The following MYO16 variants were observed in gnomAD, a reference collection of about 807,000 sequenced individuals.
MYO16 encodes the protein myosin XVI.
MYO16 carries 94 observed loss-of-function variants against 205.3 expected under a neutral mutation model. That is an observed-to-expected ratio of 0.46 (90% CI 0.39 to 0.54). MYO16 has a LOEUF of 0.54. MYO16 is among the 20% of genes least tolerant of loss of function. The pLI is 0.00. For missense variants in MYO16, 2,315 were observed against 2,387.5 expected, an observed-to-expected ratio of 0.97 and a Z score of 0.63; for synonymous variants, 988 against 954.0, an observed-to-expected ratio of 1.04 and a Z score of -0.66.
At chr13:108,614,145 C>T (rs1879267955) in intron 1 of MYO16, among the ~76,000 whole-genome samples, 1 of 151,906 alleles carries the variant, frequency 6.6e-6, no homozygotes, top group African/African-American at 2.4e-5. Flanking sequence ...ATACAATATC[C>T]ACAAACAAAA....
At chr13:108,632,010 G>A (rs370749886) in intron 1 of MYO16, among the ~76,000 whole-genome samples, 14 of 150,166 alleles carry the variant, frequency 9.3e-5, no homozygotes, top group East Asian at 3.9e-4. Flanking sequence ...CCCGGGAGGC[G>A]GAGCTTGCGG....
chr13:108,849,536 T>TGC (rs1877717070), intron 10 of MYO16, among the ~76,000 whole-genome samples: 1 of 148,966 alleles, frequency 6.7e-6, no homozygotes, highest in Non-Finnish European at 1.5e-5. Flanking sequence ...TGTGTGTGTG[T>TGC]GTGTGTGTGT....
intron 23 of MYO16, among the ~76,000 whole-genome samples, chr13:109,021,120 A>G (rs547987124): frequency 2.1e-4 from 32 of 152,166 alleles, no homozygotes; most frequent in Non-Finnish European, 4.3e-4. Flanking sequence ...TCTTGGAAAG[A>G]CATAGAATTT....
rs891454056 is a variant in MYO16 at position 109,162,877 on chromosome 13, C to G, written c.5165-2024C>G. Among the ~76,000 whole-genome samples, 2 of 152,120 alleles carry G rather than the reference C, an allele frequency of 1.3e-5. No individual in the cohort carries two copies. The highest frequency in any genetic ancestry group is 2.1e-4 in the South Asian group (1 of 4,828). On this transcript the variant is annotated intron_variant, in intron 32 of 34. Coordinates refer to ENST00000457511, the MANE Select transcript of MYO16 (RefSeq NM_001198950.3). This position sits in a 1 kb window ranked among gnomAD's most constrained non-coding sequence, Gnocchi z 4.6. The stretch of plus-strand genomic sequence containing the variant: ...TAAAAAAAAGCCAAACTAGAGTTGA[C>G]CACATTGAATAAGTATTCTTTCAGT...
At chr13:108,516,799 T>C in the MYO16 span, among the ~76,000 whole-genome samples, 3 of 152,222 alleles carry the variant, frequency 2.0e-5, no homozygotes, top group Non-Finnish European at 2.9e-5. Flanking sequence ...TTTTGCTGTA[T>C]AGTCTGCAGG....
intron 32 of MYO16, among the ~76,000 whole-genome samples, chr13:109,152,159 C>T (rs1233906199): frequency 6.6e-6 from 1 of 152,146 alleles, no homozygotes; most frequent in African/African-American, 2.4e-5. Context: ...TATTTAACTA[C>T]CTTTGTATAT....
At chr13:108,957,580 C>T (rs1883419582) in intron 16 of MYO16, 108 bp from the exon 17 acceptor site, 4 of 693,020 alleles carry the variant, frequency 5.8e-6, no homozygotes, top group Middle Eastern at 2.4e-4. Flanking sequence ...ACACCATGTC[C>T]AGGTGATTCC....
chr13:108,940,304 A>G (rs1021703304), intron 16 of MYO16, among the ~76,000 whole-genome samples: 30 of 152,058 alleles, frequency 2.0e-4, no homozygotes, highest in Non-Finnish European at 4.1e-4. Context: ...GATGCTTCCT[A>G]TTTCTCATAA....
intron 1 of MYO16, among the ~76,000 whole-genome samples, chr13:108,639,397 G>T (rs1184759300): frequency 2.0e-5 from 3 of 152,162 alleles, no homozygotes; most frequent in Non-Finnish European, 2.9e-5. Flanking sequence ...CAACATCTCT[G>T]TGGCTGGGTT....
intron 9 of MYO16, among the ~76,000 whole-genome samples, chr13:108,824,039 T>C (rs2139023702): frequency 6.6e-6 from 1 of 152,212 alleles, no homozygotes; most frequent in Admixed American, 6.6e-5. Flanking sequence ...AGAGATGGAC[T>C]GTGAATATCT....
chr13:108,804,628 C>T (rs1594307367), intron 6 of MYO16, among the ~76,000 whole-genome samples: 2 of 152,282 alleles, frequency 1.3e-5, no homozygotes, highest in East Asian at 3.9e-4. Flanking sequence ...TGCCAGTAGA[C>T]TCAAAATAAT....
intron 6 of MYO16, among the ~76,000 whole-genome samples, chr13:108,795,889 G>A (rs1370628834): frequency 1.3e-5 from 2 of 152,148 alleles, no homozygotes; most frequent in Admixed American, 6.5e-5. Context: ...TAGATAGAGA[G>A]GAAAGATCTA....
chr13:108,712,594 A>G (rs540910653), intron 2 of MYO16, 67 bp from the exon 3 acceptor site: 9 of 1,370,662 alleles, frequency 6.6e-6, no homozygotes, highest in African/African-American at 2.9e-5. Context: ...ACGAAAGCCT[A>G]CACATTTGGT....
At chr13:108,747,699 T>C (rs536028207) in intron 4 of MYO16, among the ~76,000 whole-genome samples, 2 of 152,138 alleles carry the variant, frequency 1.3e-5, no homozygotes, top group African/African-American at 2.4e-5. Flanking sequence ...TTGCTTCAAA[T>C]TGAGTAGTCT....
intron 30 of MYO16, among the ~76,000 whole-genome samples, chr13:109,126,971 C>T (rs757887065): frequency 7.9e-5 from 12 of 152,292 alleles, no homozygotes; most frequent in Admixed American, 2.6e-4. Context: ...AGAATTCATT[C>T]AGTGAGTGCC....
intron 27 of MYO16, among the ~76,000 whole-genome samples, chr13:109,087,156 C>A (rs1414278500): frequency 6.6e-6 from 1 of 152,206 alleles, no homozygotes; most frequent in Admixed American, 6.5e-5. Flanking sequence ...TGCTGTAAAA[C>A]CAGCCATGTG....
chr13:108,617,451 A>G (rs534721605), intron 1 of MYO16, among the ~76,000 whole-genome samples: 1 of 152,290 alleles, frequency 6.6e-6, no homozygotes, highest in South Asian at 2.1e-4. Context: ...GCAGTTGGGC[A>G]GAGGCTTTTC....
intron 25 of MYO16, among the ~76,000 whole-genome samples, chr13:109,053,477 A>G (rs1040617627): frequency 2.0e-5 from 3 of 152,068 alleles, no homozygotes; most frequent in Non-Finnish European, 4.4e-5. Flanking sequence ...CTTATAAGAA[A>G]GATCTCTATG....
chr13:108,956,863 T>C (rs1246660038), intron 16 of MYO16, among the ~76,000 whole-genome samples: 2 of 152,118 alleles, frequency 1.3e-5, no homozygotes, highest in Non-Finnish European at 1.5e-5. Flanking sequence ...TATTTTGCTG[T>C]TGTTGAGTCC....
Sources: gnomAD v4.1 joint callset for allele counts (sites outside exome capture counted in the v4.1 genomes callset) on GRCh38, gnomAD v4.1.1 for gene constraint, Gnocchi (gnomAD v3.1) non-coding constraint, MANE v1.5 for transcripts, NCBI Gene and HGNC (gene_info 2026-07-23, HGNC 2026-07-21) for gene names.